CTNNA3: variants seen among roughly 807,000 people sequenced by gnomAD.
CTNNA3 encodes catenin alpha-3.
A neutral mutation model predicts 95.7 loss-of-function variants in CTNNA3; 76 were observed. The ratio of observed to expected loss-of-function variants is 0.79; its 90% CI spans 0.66 to 0.96. The LOEUF (loss-of-function observed/expected upper bound fraction) is 0.96. Ranked by LOEUF, CTNNA3 falls within the 40% of genes least tolerant of loss-of-function variation. The pLI is 0.00. For synonymous variants in CTNNA3, 431 were observed against 374.4 expected (o/e 1.15, Z -1.74); for missense variants, 1,191 against 1,089.8 (o/e 1.09, Z -1.31).
chr10:65,996,519 C>A (rs2078663874), intron 15 of CTNNA3, among the ~76,000 whole-genome samples: 1 of 152,098 alleles, frequency 6.6e-6, no homozygotes, highest in South Asian at 2.1e-4. Context: ...GAAATGCAGT[C>A]TGGTTTGGGC....
chr10:66,088,662 C>A (rs2081088285), intron 14 of CTNNA3, among the ~76,000 whole-genome samples: 1 of 152,046 alleles, frequency 6.6e-6, no homozygotes, highest in African/African-American at 2.4e-5. Context: ...GACAGCTTAC[C>A]CTAATTGGTA....
chr10:67,349,876 C>G (rs946931472), intron 5 of CTNNA3, among the ~76,000 whole-genome samples: 3 of 152,070 alleles, frequency 2.0e-5, no homozygotes, highest in Non-Finnish European at 2.9e-5. Flanking sequence ...AACACTCATA[C>G]TCAGACATGG....
chr10:66,969,464 A>G (rs1199237758), intron 7 of CTNNA3, among the ~76,000 whole-genome samples: 1 of 152,160 alleles, frequency 6.6e-6, no homozygotes, highest in Non-Finnish European at 1.5e-5. Context: ...AGAAAATTTT[A>G]AGCAGCTTTA....
At chr10:67,465,236 T>C (rs373378257) in intron 5 of CTNNA3, among the ~76,000 whole-genome samples, 6 of 152,274 alleles carry the variant, frequency 3.9e-5, no homozygotes, top group African/African-American at 1.4e-4. Context: ...AATTTTATTT[T>C]TTTAAAGTAA....
intron 1 of CTNNA3, chr10:67,750,387 C>T (rs1841399582): frequency 6.7e-7 from 1 of 1,492,432 alleles, no homozygotes; most frequent in African/African-American, 1.4e-5. Flanking sequence ...GTGAAGGTGG[C>T]CATTGATGCA....
At chr10:67,391,278 C>A (rs1271548572) in intron 5 of CTNNA3, among the ~76,000 whole-genome samples, 1 of 151,598 alleles carries the variant, frequency 6.6e-6, no homozygotes, top group Non-Finnish European at 1.5e-5. Flanking sequence ...AACAGAGACC[C>A]AAATCATGAG....
intron 12 of CTNNA3, among the ~76,000 whole-genome samples, chr10:66,339,194 A>C (rs934009286): frequency 2.6e-5 from 4 of 151,942 alleles, no homozygotes; most frequent in Non-Finnish European, 4.4e-5. Flanking sequence ...CGATTATTTA[A>C]AATTAATCTC....
chr10:66,426,043 T>C (rs1237831500), intron 11 of CTNNA3, among the ~76,000 whole-genome samples: 1 of 152,156 alleles, frequency 6.6e-6, no homozygotes, highest in Non-Finnish European at 1.5e-5. Flanking sequence ...TGAGAATAAT[T>C]TGTATCATAT....
chr10:66,125,849 AGAG>A (rs2082804803), intron 13 of CTNNA3, among the ~76,000 whole-genome samples: 1 of 152,208 alleles, frequency 6.6e-6, no homozygotes, highest in Non-Finnish European at 1.5e-5. Flanking sequence ...ATTCAAGGCG[AGAG>A]GAGGAGGATT....
chr10:66,132,260 C>T (rs1055753580), intron 13 of CTNNA3, among the ~76,000 whole-genome samples: 1 of 152,106 alleles, frequency 6.6e-6, no homozygotes, highest in African/African-American at 2.4e-5. Context: ...AGACACTTTT[C>T]AAAAGAAGAC....
chr10:67,091,412 C>T (rs1282817663), intron 7 of CTNNA3, among the ~76,000 whole-genome samples: 1 of 151,486 alleles, frequency 6.6e-6, no homozygotes, highest in Non-Finnish European at 1.5e-5. Flanking sequence ...TTAAGGATGC[C>T]AATTTCCCAG....
At chr10:66,441,588 T>TA (rs2093375866) in intron 11 of CTNNA3, among the ~76,000 whole-genome samples, 3 of 152,222 alleles carry the variant, frequency 2.0e-5, no homozygotes, top group African/African-American at 7.2e-5. Flanking sequence ...GTGAATTACA[T>TA]AATGCAAACA....
At position 66,520,763 on chromosome 10, in the gene CTNNA3, G is replaced by T; in HGVS notation, c.1385C>A (p.Ala462Asp). 1 of 1,612,046 alleles carries T rather than the reference G, an allele frequency of 6.2e-7. No individual in the cohort carries two copies. Among genetic ancestry groups the T allele is most frequent in the Non-Finnish European group, 8.5e-7 (1 of 1,179,020 alleles). Residue 462 changes from alanine to aspartate, a missense_variant, in exon 11 of 18, where the codon GCT (alanine) becomes GAT (aspartate). Transcript: ENST00000433211. ...LETLCPQIIN[A>D]ALALAARPKS... ...GGGTCTTGCAGCCAAAGCAAGTGCA[G>T]CATTAATAATCTATAAAGATAAGGA...
chr10:67,191,049 C>T (rs1227845250), intron 6 of CTNNA3, among the ~76,000 whole-genome samples: 7 of 151,998 alleles, frequency 4.6e-5, no homozygotes, highest in African/African-American at 1.7e-4. Context: ...CACTACACAT[C>T]TATTAGAATG....
At chr10:66,056,770 A>T (rs2080096525) in intron 15 of CTNNA3, among the ~76,000 whole-genome samples, 1 of 152,122 alleles carries the variant, frequency 6.6e-6, no homozygotes, top group South Asian at 2.1e-4. Context: ...TATGGTTAGG[A>T]ACTCCTCCAT....
intron 12 of CTNNA3, among the ~76,000 whole-genome samples, chr10:66,348,787 A>C (rs1448220242): frequency 6.6e-6 from 1 of 152,082 alleles, no homozygotes; most frequent in Non-Finnish European, 1.5e-5. Flanking sequence ...ACTTGAATAG[A>C]ATATTTAATA....
At chr10:67,692,021 G>T (rs2133590459) in intron 1 of CTNNA3, among the ~76,000 whole-genome samples, 1 of 148,450 alleles carries the variant, frequency 6.7e-6, no homozygotes, top group African/African-American at 2.5e-5. Context: ...CTACTGGGAA[G>T]TGAGGAGCCC....
At chr10:67,528,669 T>C (rs935736120) in intron 4 of CTNNA3, among the ~76,000 whole-genome samples, 1 of 152,202 alleles carries the variant, frequency 6.6e-6, no homozygotes, top group Non-Finnish European at 1.5e-5. Flanking sequence ...ATATTGTTAA[T>C]TTACTTTTTA....
chr10:67,143,276 G>A (rs755128930), intron 7 of CTNNA3, among the ~76,000 whole-genome samples: 1 of 151,732 alleles, frequency 6.6e-6, no homozygotes, highest in Non-Finnish European at 1.5e-5. Context: ...CACCATCTAA[G>A]CCAAGCGTGG....
Sources: gnomAD v4.1 joint callset for allele counts (sites outside exome capture counted in the v4.1 genomes callset) on GRCh38, gnomAD v4.1.1 for gene constraint, MANE v1.5 for transcripts, NCBI Gene and HGNC (gene_info 2026-07-23, HGNC 2026-07-21) for gene names.